PSD3: variants seen among roughly 807,000 people sequenced by gnomAD.
PSD3 encodes the protein pleckstrin and Sec7 domain containing 3.
PSD3 carries 49 observed loss-of-function variants against 105.5 expected under a neutral mutation model. The observed-to-expected ratio is 0.46, with a 90% CI of 0.37 to 0.59. PSD3 has a LOEUF of 0.59. Among genes scored for constraint, PSD3 ranks in the 20% least tolerant of loss-of-function variants. PSD3 has a pLI of 0.00. For synonymous variants in PSD3, 557 were observed against 457.8 expected (o/e 1.22, Z -2.77); for missense variants, 1,561 against 1,263.8 (o/e 1.24, Z -3.57).
intron 11 of PSD3, among the ~76,000 whole-genome samples, chr8:18,622,356 G>A (rs1009306018): frequency 4.6e-5 from 7 of 152,152 alleles, no homozygotes; most frequent in East Asian, 3.9e-4. Flanking sequence ...TCTCCGAGTC[G>A]TTAAGTGACA....
intron 14 of PSD3, among the ~76,000 whole-genome samples, chr8:18,563,913 G>T (rs542790853): frequency 2.6e-5 from 4 of 152,242 alleles, no homozygotes; most frequent in Admixed American, 2.6e-4. Context: ...AATCATCTGG[G>T]TCAGATTATT....
chr8:18,560,175 T>TACACACACAC lies in PSD3; in HGVS notation c.2785-3833_2785-3824dup, dbSNP rs5889808. 8.7e-3 allele frequency among the ~76,000 whole-genome samples: 1,254 copies of TACACACACAC among 143,414 alleles called. 10 individuals are homozygous for TACACACACAC. Among genetic ancestry groups the TACACACACAC allele is most frequent in the African/African-American group, 0.02 (762 of 38,332 alleles). The allele number at this position is 143,414 out of a possible 152,430, so 94.1% of individuals were successfully genotyped here. A position where few individuals can be genotyped will look rare whatever the true frequency, so the allele number is the denominator to read the frequency against. On this transcript the variant is annotated intron_variant, in intron 14 of 15. Transcript: ENST00000327040. ...CCCATGATAAGAAAGATACACATTT[T>TACACACACAC]ACACACACACACACACACACACACA...
chr8:18,858,081 T>C (rs1225714613), intron 4 of PSD3, among the ~76,000 whole-genome samples: 1 of 152,202 alleles, frequency 6.6e-6, no homozygotes, highest in East Asian at 1.9e-4. Flanking sequence ...AAATGAAGGC[T>C]CTGCTAACAG....
chr8:18,884,560 G>A (rs1818330020), intron 2 of PSD3, among the ~76,000 whole-genome samples: 2 of 152,030 alleles, frequency 1.3e-5, no homozygotes, highest in Non-Finnish European at 2.9e-5. Flanking sequence ...CAGGATGCTG[G>A]CTATTGCCTG....
chr8:18,859,991 T>C (rs1816316256), intron 4 of PSD3, among the ~76,000 whole-genome samples: 1 of 152,242 alleles, frequency 6.6e-6, no homozygotes, highest in South Asian at 2.1e-4. Context: ...CTTCAGCGTA[T>C]TCTGGCTTTC....
intron 12 of PSD3, among the ~76,000 whole-genome samples, chr8:18,593,686 G>T (rs2130514712): frequency 6.6e-6 from 1 of 152,144 alleles, no homozygotes; most frequent in East Asian, 1.9e-4. Context: ...TACGTTTATT[G>T]CAGCACTACT....
intron 12 of PSD3, among the ~76,000 whole-genome samples, chr8:18,595,952 T>C (rs1196029688): frequency 6.6e-6 from 1 of 152,074 alleles, no homozygotes; most frequent in Non-Finnish European, 1.5e-5. Flanking sequence ...TGAGAATATA[T>C]ATTCTTCTCA....
intron 11 of PSD3, among the ~76,000 whole-genome samples, chr8:18,617,446 G>T (rs13264915): frequency 6.6e-6 from 1 of 151,898 alleles, no homozygotes; most frequent in Admixed American, 6.6e-5. Context: ...AAGGTGAATC[G>T]CTTGAACTTG....
intron 4 of PSD3, among the ~76,000 whole-genome samples, chr8:18,820,545 AC>A (rs1812608883): frequency 6.6e-6 from 1 of 152,190 alleles, no homozygotes; most frequent in Non-Finnish European, 1.5e-5. Flanking sequence ...TACTTTTAAT[AC>A]CTAGACAATG....
At chr8:18,841,846 A>T (rs1165466722) in intron 4 of PSD3, among the ~76,000 whole-genome samples, 2 of 152,216 alleles carry the variant, frequency 1.3e-5, no homozygotes, top group African/African-American at 4.8e-5. Flanking sequence ...TAAACACATT[A>T]GCTAGTAAAG....
At chr8:18,801,960 A>G (rs36085278) in intron 6 of PSD3, among the ~76,000 whole-genome samples, 56,807 of 152,024 alleles carry the variant, frequency 0.37, 11,841 homozygotes, top group Non-Finnish European at 0.47. Context: ...TTAAAAGGTC[A>G]GATTTAAAAA....
intron 11 of PSD3, among the ~76,000 whole-genome samples, chr8:18,606,855 G>A (rs927443206): frequency 1.3e-5 from 2 of 152,100 alleles, no homozygotes; most frequent in African/African-American, 2.4e-5. Flanking sequence ...ATACCTATAC[G>A]TTCTATGTGT....
intron 11 of PSD3, among the ~76,000 whole-genome samples, chr8:18,607,436 C>T (rs1804923539): frequency 6.6e-6 from 1 of 152,182 alleles, no homozygotes; most frequent in Admixed American, 6.5e-5. Context: ...TAACCTCCAT[C>T]TCACAGATGT....
At chr8:19,076,603 A>C (rs547633390) in intron 1 of PSD3, among the ~76,000 whole-genome samples, 2 of 152,358 alleles carry the variant, frequency 1.3e-5, no homozygotes, top group South Asian at 4.1e-4. Context: ...AAATTATGTT[A>C]TGTGTATGAT....
intron 9 of PSD3, among the ~76,000 whole-genome samples, chr8:18,718,541 A>G (rs1802743722): frequency 6.6e-6 from 1 of 152,240 alleles, no homozygotes; most frequent in Non-Finnish European, 1.5e-5. Context: ...TGCATTTTTA[A>G]AACTTTACAG....
chr8:18,782,189 T>G (rs1445556433), intron 8 of PSD3, among the ~76,000 whole-genome samples: 1 of 152,244 alleles, frequency 6.6e-6, no homozygotes, highest in East Asian at 1.9e-4. Context: ...TTGGCATCTG[T>G]TGCTGGAGAA....
At chr8:18,652,610 G>A (rs566617483) in intron 10 of PSD3, among the ~76,000 whole-genome samples, 23 of 142,208 alleles carry the variant, frequency 1.6e-4, no homozygotes, top group South Asian at 9.5e-4. Context: ...CAATTCTCCC[G>A]CCTCAGCCTC....
intron 14 of PSD3, among the ~76,000 whole-genome samples, chr8:18,570,485 A>G (rs1247720288): frequency 6.8e-6 from 1 of 147,106 alleles, no homozygotes; most frequent in Non-Finnish European, 1.5e-5. Flanking sequence ...TAATTAAACT[A>G]AAGAGCTTCT....
intron 4 of PSD3, among the ~76,000 whole-genome samples, chr8:18,863,306 C>G (rs1302333226): frequency 6.6e-6 from 1 of 152,176 alleles, no homozygotes; most frequent in African/African-American, 2.4e-5. Flanking sequence ...AGCACTCAGA[C>G]ACAAAGGAAC....
Sources: gnomAD v4.1 joint callset for allele counts (sites outside exome capture counted in the v4.1 genomes callset) on GRCh38, gnomAD v4.1.1 for gene constraint, MANE v1.5 for transcripts, NCBI Gene and HGNC (gene_info 2026-07-23, HGNC 2026-07-21) for gene names.